Variants in TMEM132B observed in about 807,000 individuals in gnomAD.
TMEM132B encodes the protein transmembrane protein 132B.
TMEM132B carries 18 observed loss-of-function variants against 90.8 expected under a neutral mutation model. That is an observed-to-expected ratio of 0.20 (90% CI 0.14 to 0.29). TMEM132B has a LOEUF of 0.29. TMEM132B is among the 10% of genes least tolerant of loss of function. The pLI is 1.00. For missense variants in TMEM132B, 1,096 were observed against 1,326.8 expected, an observed-to-expected ratio of 0.83 and a Z score of 2.70; for synonymous variants, 504 against 523.3, an observed-to-expected ratio of 0.96 and a Z score of 0.50.
chr12:125,586,151 C>T (rs1885174491), intron 5 of TMEM132B: 1 of 152,196 alleles, frequency 6.6e-6, no homozygotes, highest in Admixed American at 6.5e-5. Context: ...GTCACACAGT[C>T]ATACTTCAGA....
At chr12:125,379,822 A>G (rs1878617002) in intron 2 of TMEM132B, among the ~76,000 whole-genome samples, 1 of 152,234 alleles carries the variant, frequency 6.6e-6, no homozygotes. Context: ...ATTTTCCATC[A>G]TGAATGAAGC....
At chr12:125,418,829 A>G (rs188246091) in intron 3 of TMEM132B, among the ~76,000 whole-genome samples, 1 of 152,354 alleles carries the variant, frequency 6.6e-6, no homozygotes, top group African/African-American at 2.4e-5. Context: ...AATGTGAGTA[A>G]TAAAGATGAA....
chr12:125,318,097 A>G (rs1185750711), intron 1 of TMEM132B, among the ~76,000 whole-genome samples: 1 of 152,270 alleles, frequency 6.6e-6, no homozygotes. Flanking sequence ...TGCAAGTTGT[A>G]GAATCATAGA....
At chr12:125,514,508 C>T (rs1046045641) in intron 3 of TMEM132B, among the ~76,000 whole-genome samples, 2 of 152,126 alleles carry the variant, frequency 1.3e-5, no homozygotes, top group Non-Finnish European at 1.5e-5. Context: ...AAATTAATGC[C>T]TAGAAAAAGT....
At chr12:125,639,425 G>GAC (rs1287840018) in intron 5 of TMEM132B, among the ~76,000 whole-genome samples, 5 of 152,206 alleles carry the variant, frequency 3.3e-5, no homozygotes, top group Admixed American at 2.0e-4. Context: ...GGTCTCAGAG[G>GAC]AAACAGTTGT....
chr12:125,323,067 G>A (rs1007716089), intron 1 of TMEM132B, among the ~76,000 whole-genome samples: 6 of 152,004 alleles, frequency 3.9e-5, no homozygotes, highest in African/African-American at 9.7e-5. Context: ...ACATTCCATC[G>A]TGTGCCTGGC....
chr12:125,347,652 C>T (rs941427199), intron 1 of TMEM132B, among the ~76,000 whole-genome samples: 2 of 152,148 alleles, frequency 1.3e-5, no homozygotes, highest in Non-Finnish European at 2.9e-5. Flanking sequence ...TTTTAAGCGC[C>T]ACGGTCAGGT....
intron 3 of TMEM132B, among the ~76,000 whole-genome samples, chr12:125,437,197 C>T (rs755228007): frequency 1.3e-5 from 2 of 152,186 alleles, no homozygotes; most frequent in East Asian, 1.9e-4. Flanking sequence ...TGACCCCGCT[C>T]CTCCCAGGTT....
At chr12:125,519,743 A>G in intron 4 of TMEM132B, 118 bp downstream of exon 4, 1 of 1,033,920 alleles carries the variant, frequency 9.7e-7, no homozygotes, top group Non-Finnish European at 1.4e-6. Flanking sequence ...AGGAAAATAT[A>G]CTTAAATTGC....
intron 2 of TMEM132B, among the ~76,000 whole-genome samples, chr12:125,366,946 G>T (rs1878152833): frequency 6.6e-6 from 1 of 151,820 alleles, no homozygotes; most frequent in Non-Finnish European, 1.5e-5. Flanking sequence ...TCTTTATTTG[G>T]GTATTAAGTC....
rs150110695 is a variant in TMEM132B, at chr12:125,331,996, C to G, written c.68-17456C>G. ...CTTCTCTTTAACTCCTGACCTCAAG[C>G]CATCCCAAAGTGCTGGGATTACAGA... On this transcript the variant is annotated intron_variant, in intron 1 of 8. Coordinates refer to ENST00000682704, the MANE Select transcript of TMEM132B (RefSeq NM_001366854.1). Among the ~76,000 whole-genome samples the G allele has an allele frequency of 7.4e-3, 1,132 of 152,142 alleles. 29 individuals carry two copies. The highest frequency in any genetic ancestry group is 0.049 in the Admixed American group (755 of 15,278).
At chr12:125,398,268 C>T (rs1204079473) in intron 2 of TMEM132B, among the ~76,000 whole-genome samples, 2 of 152,272 alleles carry the variant, frequency 1.3e-5, no homozygotes, top group East Asian at 3.9e-4. Flanking sequence ...ATTGGGAAAT[C>T]CCAACTACCC....
At chr12:125,403,038 A>G (rs572906320) in intron 2 of TMEM132B, among the ~76,000 whole-genome samples, 3 of 152,280 alleles carry the variant, frequency 2.0e-5, no homozygotes, top group African/African-American at 4.8e-5. Context: ...ACATAGCCCA[A>G]ATAAACAGAT....
intron 3 of TMEM132B, among the ~76,000 whole-genome samples, chr12:125,505,558 G>A (rs781022750): frequency 2.0e-5 from 3 of 152,082 alleles, no homozygotes; most frequent in Non-Finnish European, 4.4e-5. Context: ...AATTAGCTGG[G>A]CCTGGTGGTG....
chr12:125,421,194 A>G (rs953261513), intron 3 of TMEM132B, among the ~76,000 whole-genome samples: 2 of 152,188 alleles, frequency 1.3e-5, no homozygotes, highest in African/African-American at 4.8e-5. Flanking sequence ...AGTTGCTTCC[A>G]TATTTTTGGG....
At chr12:125,258,882 T>C (rs1874498495) in intron 1 of TMEM132B, among the ~76,000 whole-genome samples, 1 of 152,188 alleles carries the variant, frequency 6.6e-6, no homozygotes, top group Admixed American at 6.5e-5. Context: ...TTAATCTGAA[T>C]ACTGAATGCG....
At chr12:125,226,490 A>G (rs1376837690) in intron 1 of TMEM132B, among the ~76,000 whole-genome samples, 1 of 152,204 alleles carries the variant, frequency 6.6e-6, no homozygotes, top group Non-Finnish European at 1.5e-5. Flanking sequence ...CATTTTGTAG[A>G]TGAGGAAACT....
intron 2 of TMEM132B, among the ~76,000 whole-genome samples, chr12:125,381,197 A>G (rs1198394853): frequency 1.3e-5 from 2 of 152,136 alleles, no homozygotes; most frequent in African/African-American, 4.8e-5. Flanking sequence ...ACACCTTTCA[A>G]CCTGCTGGTG....
intron 2 of TMEM132B, among the ~76,000 whole-genome samples, chr12:125,371,389 G>T (rs1437413405): frequency 1.3e-5 from 2 of 152,170 alleles, no homozygotes; most frequent in African/African-American, 4.8e-5. Flanking sequence ...AGGGAGGAAG[G>T]AGGGCATCCG....
Sources: allele counts gnomAD v4.1 joint callset (sites outside exome capture counted in the v4.1 genomes callset), GRCh38; gene constraint gnomAD v4.1.1; transcripts MANE v1.5; gene names NCBI Gene and HGNC (gene_info 2026-07-23, HGNC 2026-07-21).